The following IL12RB1 variants were observed in gnomAD, a reference collection of about 807,000 sequenced individuals.
IL12RB1 encodes interleukin-12 receptor subunit beta-1.
A neutral mutation model predicts 94.4 loss-of-function variants in IL12RB1; 64 were observed. The ratio of observed to expected loss-of-function variants is 0.68; its 90% CI spans 0.55 to 0.83. The LOEUF is 0.83. Among genes scored for constraint, IL12RB1 ranks in the 40% least tolerant of loss-of-function variants. IL12RB1 has a pLI of 0.00. For missense variants in IL12RB1, 814 were observed against 855.6 expected (o/e 0.95, Z 0.61); for synonymous variants, 362 against 355.5 (o/e 1.02, Z -0.21).
chr19:18,059,799 C>T (rs894458142), intron 16 of IL12RB1, 95 bp downstream of exon 16: 2 of 769,452 alleles, frequency 2.6e-6, no homozygotes, highest in Non-Finnish European at 4.6e-6. Flanking sequence ...CTCAGGCCTC[C>T]AGGCCCTGAT....
chr19:18,094,310 G>A (rs2036782939), intron 1 of IL12RB1, among the ~76,000 whole-genome samples: 1 of 152,112 alleles, frequency 6.6e-6, no homozygotes, highest in Non-Finnish European at 1.5e-5. Flanking sequence ...TGTAGTTTTA[G>A]TAGAGACGCG....
rs527461691 is a variant in IL12RB1, at chr19:18,082,260, C to T, written c.129G>A (p.Ser43=). The change falls in exon 3 of 17, where the codon TCG becomes TCA. Residue 43 remains serine, a synonymous_variant. Coordinates refer to ENST00000593993, the MANE Select transcript of IL12RB1 (RefSeq NM_005535.3). ...DPPYPDADSG[S]ASGPRDLRCY... ...ATCTCAGGTCCCTAGGGCCCGAGGC[C>T]GAGCCTGGAAGAGATCCTGTAGGCT... is the stretch of plus-strand genomic sequence containing the variant. 3.8e-4 allele frequency: 615 copies of T among 1,600,968 alleles called. 6 individuals carry two copies. In the South Asian group the frequency reaches 6.4e-3, roughly 17 times the overall value.
chr19:18,075,252 CT>C (rs71164363), intron 7 of IL12RB1, among the ~76,000 whole-genome samples: 136 of 132,930 alleles, frequency 1.0e-3, no homozygotes, highest in African/African-American at 1.8e-3. Context: ...TTTATTATTA[CT>C]TTTTTTTTTT....
intron 3 of IL12RB1, among the ~76,000 whole-genome samples, chr19:18,081,494 C>G (rs1381695593): frequency 6.6e-6 from 1 of 151,916 alleles, no homozygotes. Context: ...ACCCCAGTAT[C>G]TCCCAGCAAG....
rs200203598 is a variant in IL12RB1, at chr19:18,073,569, G to A, written c.731C>T (p.Ser244Leu). The part of the protein sequence containing the change: ...ENPPQPQVRF[S>L]VEQLGQDGRR... ...CCCATCCTGGCCCAGCTGCTCCACC[G>A]AGAATCTCACCTGAGGCTGTGGGGG... is the stretch of plus-strand genomic sequence containing the variant. The change falls in exon 8 of 17, where the codon TCG becomes TTG. Residue 244 changes from serine (S) to leucine (L), a missense_variant. Physicochemically the swap from Ser to Leu is moderately radical, Grantham distance 145. Coordinates refer to ENST00000593993, the MANE Select transcript of IL12RB1 (RefSeq NM_005535.3). 166 of 1,612,552 alleles carry A rather than the reference G, an allele frequency of 1.0e-4. 1 individual carries two copies. Among genetic ancestry groups the A allele is most frequent in the East Asian group, 1.3e-4 (6 of 44,884 alleles).
upstream of IL12RB1, among the ~76,000 whole-genome samples, chr19:18,090,345 A>G (rs1441125627): frequency 2.6e-5 from 4 of 152,164 alleles, no homozygotes; most frequent in African/African-American, 9.7e-5. Flanking sequence ...ACCCTGCTCA[A>G]AAAATAACAA....
intron 12 of IL12RB1, among the ~76,000 whole-genome samples, chr19:18,064,648 A>G (rs2034441947): frequency 6.6e-6 from 1 of 151,214 alleles, no homozygotes; most frequent in Admixed American, 6.6e-5. Context: ...AATTTTTTGT[A>G]TTTTTAATAC....
chr19:18,078,015 G>A (rs2035610753), intron 4 of IL12RB1, among the ~76,000 whole-genome samples: 1 of 151,994 alleles, frequency 6.6e-6, no homozygotes, highest in African/African-American at 2.4e-5. Context: ...AGAGTGAGAT[G>A]GGAGGATCTC....
At chr19:18,079,204 C>T (rs60208336) in intron 4 of IL12RB1, among the ~76,000 whole-genome samples, 15,379 of 150,810 alleles carry the variant, frequency 0.1, 926 homozygotes, top group East Asian at 0.28. Flanking sequence ...CACAGGTTCA[C>T]GTGATTCTCC....
rs1347274618 is a variant in IL12RB1, at chr19:18,069,599, C to G, written c.1136G>C (p.Gly379Ala). 6.2e-7 allele frequency: 1 copy of G among 1,612,662 alleles called. No homozygotes were observed. The highest frequency in any genetic ancestry group is 1.7e-5 in the Admixed American group (1 of 60,008). ...IEWQPVGQDG[G>A]LATCSLTAPQ... ...CGCAGTCAGGCTGCAGGTGGCAAGG[C>G]CCCCGTCCTGGCCCACAGGCTGCCA... The change falls in exon 10 of 17, where the codon GGC becomes GCC. Residue 379 changes from glycine to alanine, a missense_variant. Physicochemically the swap from Gly to Ala is moderately conservative, Grantham distance 60 (BLOSUM62 0). Coordinates refer to ENST00000593993, the MANE Select transcript of IL12RB1 (RefSeq NM_005535.3).
chr19:18,061,258 T>A, intron 14 of IL12RB1, 61 bp from the exon 15 acceptor site: 1 of 809,952 alleles, frequency 1.2e-6, no homozygotes, highest in Middle Eastern at 2.6e-4. Flanking sequence ...GGAGACGGAG[T>A]CTTGCTCTGT....
intron 11 of IL12RB1, among the ~76,000 whole-genome samples, chr19:18,067,634 T>TAAAACCATG (rs2034688206): frequency 6.6e-6 from 1 of 152,140 alleles, no homozygotes; most frequent in Non-Finnish European, 1.5e-5. Context: ...AAACCCTGTC[T>TAAAACCATG]CTACTAAAGA....
intron 2 of IL12RB1, chr19:18,083,078 G>A (rs776488820): frequency 1.2e-4 from 46 of 386,130 alleles, no homozygotes; most frequent in Middle Eastern, 8.7e-4. Context: ...ACAAGACTCC[G>A]TCTCAAAAAT....
chr19:18,086,052 TA>T (rs2036310884), intron 1 of IL12RB1, among the ~76,000 whole-genome samples: 1 of 151,750 alleles, frequency 6.6e-6, no homozygotes, highest in Non-Finnish European at 1.5e-5. Flanking sequence ...GCTGTCTCTG[TA>T]AAAAGTATAC....
At chr19:18,067,051 C>T (rs1384647013) in intron 11 of IL12RB1, among the ~76,000 whole-genome samples, 1 of 146,200 alleles carries the variant, frequency 6.8e-6, no homozygotes, top group Non-Finnish European at 1.5e-5. Flanking sequence ...AGCCCAGCCA[C>T]GATGGCTCAT....
At chr19:18,068,982 T>A (rs530354616) in intron 10 of IL12RB1, among the ~76,000 whole-genome samples, 1 of 152,152 alleles carries the variant, frequency 6.6e-6, no homozygotes, top group East Asian at 1.9e-4. Context: ...ACTCCTGACC[T>A]CTGTTGATCC....
chr19:18,084,150 T>C (rs1019884422), intron 1 of IL12RB1, among the ~76,000 whole-genome samples: 6 of 150,960 alleles, frequency 4.0e-5, no homozygotes, highest in Non-Finnish European at 8.9e-5. Context: ...CATGTGTTCA[T>C]TCATCCATCT....
intron 4 of IL12RB1, among the ~76,000 whole-genome samples, chr19:18,078,948 C>T (rs1249715527): frequency 6.6e-6 from 1 of 151,978 alleles, no homozygotes; most frequent in African/African-American, 2.4e-5. Context: ...CGCCTGTACT[C>T]GAAGCACTTT....
At chr19:18,081,445 T>G (rs2035891019) in intron 3 of IL12RB1, among the ~76,000 whole-genome samples, 1 of 150,472 alleles carries the variant, frequency 6.6e-6, no homozygotes, top group Non-Finnish European at 1.5e-5. Flanking sequence ...AGCCTGGGGG[T>G]TCCTTGGAGA....
Sources: gnomAD v4.1 joint callset for allele counts (sites outside exome capture counted in the v4.1 genomes callset) on GRCh38, gnomAD v4.1.1 for gene constraint, MANE v1.5 for transcripts, NCBI Gene and HGNC (gene_info 2026-07-23, HGNC 2026-07-21) for gene names.